ARMC1: variants seen among roughly 807,000 people sequenced by gnomAD.
ARMC1 encodes the protein armadillo repeat-containing protein 1.
Under a neutral mutation model 31.4 loss-of-function variants are expected in ARMC1, and 16 were observed. The ratio of observed to expected loss-of-function variants is 0.51; its 90% CI spans 0.34 to 0.77. The LOEUF (loss-of-function observed/expected upper bound fraction) is 0.77. Among genes scored for constraint, ARMC1 ranks in the 30% least tolerant of loss-of-function variants. The pLI, the probability that ARMC1 is intolerant of heterozygous loss-of-function variation, is 0.01. For synonymous variants in ARMC1, 114 were observed against 118.9 expected, an observed-to-expected ratio of 0.96 and a Z score of 0.27; for missense variants, 259 against 347.5, an observed-to-expected ratio of 0.75 and a Z score of 2.02.
At chr8:65,617,240 A>G (rs2129042475) in intron 3 of ARMC1, among the ~76,000 whole-genome samples, 1 of 152,362 alleles carries the variant, frequency 6.6e-6, no homozygotes, top group Non-Finnish European at 1.5e-5. Flanking sequence ...TGTAGAAAGA[A>G]GTAGACATAG....
rs549695685 is a variant in ARMC1, at chr8:65,615,428, G to A, written c.276-1995C>T. 2.0e-5 allele frequency among the ~76,000 whole-genome samples: 3 copies of A among 150,908 alleles called. 1 individual carries two copies. The highest frequency in any genetic ancestry group is 4.2e-4 in the South Asian group (2 of 4,804). ...AAAAAAAAAAAAAAAAACAGGGCCG[G>A]GTACAGTGGCTCATGCCTGTAATTC... is the stretch of plus-strand genomic sequence containing the variant. On this transcript the variant is annotated intron_variant, in intron 3 of 6. Coordinates refer to ENST00000276569, the MANE Select transcript of ARMC1 (RefSeq NM_018120.6).
chr8:65,627,414 C>T lies in ARMC1; in HGVS notation c.-16G>A, dbSNP rs1808536336. The T allele has an allele frequency of 1.3e-6, 2 of 1,536,360 alleles. No homozygotes were observed. Among genetic ancestry groups the T allele is most frequent in the African/African-American group, 1.4e-5 (1 of 72,226 alleles). On this transcript the variant is annotated 5_prime_UTR_variant, in exon 2 of 7. The change creates a new upstream start codon in the 5' untranslated region. Transcript: ENST00000276569. ...AAGAATTCATCTTCTATGCCATGCA[C>T]ATGAATAAAATCTTAAATTCTGTAG...
chr8:65,629,735 G>C (rs1405014488), intron 1 of ARMC1, among the ~76,000 whole-genome samples: 4 of 147,974 alleles, frequency 2.7e-5, no homozygotes, highest in Non-Finnish European at 4.4e-5. Context: ...GGAGATGGAG[G>C]TTACAGTGAG....
chr8:65,608,777 T>C (rs1300324079), intron 4 of ARMC1, among the ~76,000 whole-genome samples: 1 of 151,830 alleles, frequency 6.6e-6, no homozygotes, highest in Non-Finnish European at 1.5e-5. Flanking sequence ...GGCATGGTGG[T>C]GGGCATCTTT....
chr8:65,607,478 G>A (rs940800929), intron 4 of ARMC1, among the ~76,000 whole-genome samples: 11 of 152,186 alleles, frequency 7.2e-5, no homozygotes, highest in South Asian at 2.1e-4. Flanking sequence ...AGTGAGAAAC[G>A]AGATTCATAA....
chr8:65,622,454 G>A lies in ARMC1; in HGVS notation c.184-100C>T, dbSNP rs185463882. ...AAGAAAACAAAAAAGGAGAAAATAGGTTTTTGTTTTTAGAATAAAATCCTT... is the reference window on the plus strand; with the variant it reads ...AAGAAAACAAAAAAGGAGAAAATAGATTTTTGTTTTTAGAATAAAATCCTT... On this transcript the variant is annotated intron_variant, in intron 2 of 6. Transcript: ENST00000276569. 617 of 885,424 alleles carry A rather than the reference G, an allele frequency of 7.0e-4. 3 individuals are homozygous for A. The African/African-American group carries it at 9.7e-3, about 14-fold the overall frequency. 54.8% of individuals were successfully genotyped at this position (885,424 alleles called of 1,614,324 possible). A position where few individuals can be genotyped will look rare whatever the true frequency, so the allele number is the denominator to read the frequency against.
At chr8:65,616,246 C>A (rs918585895) in intron 3 of ARMC1, among the ~76,000 whole-genome samples, 2 of 152,216 alleles carry the variant, frequency 1.3e-5, no homozygotes, top group Non-Finnish European at 1.5e-5. Flanking sequence ...GATTCTCCTG[C>A]CTCAGCCTGC....
chr8:65,608,343 A>G (rs1310376177), intron 4 of ARMC1, among the ~76,000 whole-genome samples: 1 of 152,200 alleles, frequency 6.6e-6, no homozygotes, highest in Non-Finnish European at 1.5e-5. Context: ...CCTGGCCAAC[A>G]TGGCAAAACC....
rs1001353746 is a variant in ARMC1 at position 65,625,186 on chromosome 8, C to T, written c.183+2030G>A. 4.7e-4 allele frequency among the ~76,000 whole-genome samples: 71 copies of T among 152,182 alleles called. 3 individuals carry two copies. Among genetic ancestry groups the T allele is most frequent in the Admixed American group, 6.5e-5 (1 of 15,270 alleles). On this transcript the variant is annotated intron_variant, in intron 2 of 6. Coordinates refer to ENST00000276569, the MANE Select transcript of ARMC1 (RefSeq NM_018120.6). ...GGAACTTTCACTCACTGATCCCTCT[C>T]CTTAGCTCTGTCCCTCCATGACTTT...
At position 65,617,927 on chromosome 8, in the gene ARMC1, G is replaced by C. The variant is rs557931382; in HGVS notation, c.275+4336C>G. 6.0e-5 allele frequency among the ~76,000 whole-genome samples: 9 copies of C among 150,884 alleles called. No individual in the cohort carries two copies. The East Asian group carries it at 1.6e-3, about 27-fold the overall frequency. ...ATTAATCCTTTTTTCGGCGGGGGGG[G>C]AGGGAGCAGACAGAGTCTCACTCTG... On this transcript the variant is annotated intron_variant, in intron 3 of 6. Transcript: ENST00000276569.
At position 65,603,761 on chromosome 8, in the gene ARMC1, T is replaced by A. The variant is rs1411368053; in HGVS notation, c.*633A>T. 6.6e-6 allele frequency: 1 copy of A among 152,418 alleles called. No homozygotes were observed. The highest frequency in any genetic ancestry group is 2.4e-5 in the African/African-American group (1 of 41,464). 9.4% of individuals were successfully genotyped at this position (152,418 alleles called of 1,614,324 possible). A position where few individuals can be genotyped will look rare whatever the true frequency, so the allele number is the denominator to read the frequency against. ...TTTTGTGTTAATTTTATCAAAATTATAATGAATAAGGCTGCAAAATTTTTG... is the reference window on the plus strand; with the variant it reads ...TTTTGTGTTAATTTTATCAAAATTAAAATGAATAAGGCTGCAAAATTTTTG... On this transcript the variant is annotated 3_prime_UTR_variant, in exon 7 of 7. Transcript: ENST00000276569.
chr8:65,619,599 C>A (rs1808348979), intron 3 of ARMC1, among the ~76,000 whole-genome samples: 1 of 151,776 alleles, frequency 6.6e-6, no homozygotes, highest in Admixed American at 6.6e-5. Context: ...GTAATCCCAG[C>A]ATGTTGGGAG....
chr8:65,617,246 C>T (rs371437357), intron 3 of ARMC1, among the ~76,000 whole-genome samples: 1 of 152,232 alleles, frequency 6.6e-6, no homozygotes, highest in African/African-American at 2.4e-5. Flanking sequence ...AAGAAGTAGA[C>T]ATAGGAGACT....
chr8:65,604,368 C>T lies in ARMC1; in HGVS notation c.*26G>A. The T allele has an allele frequency of 6.2e-7, 1 of 1,601,944 alleles. No individual in the cohort carries two copies. ...GGAAAACTGGCCCCTTGTTGGTTCA[C>T]ACAGTCCTTGAGCCCAAAAGTGAAG... On this transcript the variant is annotated 3_prime_UTR_variant, in exon 7 of 7. Coordinates refer to ENST00000276569, the MANE Select transcript of ARMC1 (RefSeq NM_018120.6).
chr8:65,606,578 C>T (rs970446698), intron 4 of ARMC1, among the ~76,000 whole-genome samples: 1 of 152,082 alleles, frequency 6.6e-6, no homozygotes, highest in African/African-American at 2.4e-5. Context: ...TAGACATACC[C>T]TCTGTGTGGT....
At position 65,613,245 on chromosome 8, in the gene ARMC1, G is replaced by A. The variant is rs200543696; in HGVS notation, c.464C>T (p.Thr155Met). The part of the protein sequence containing the change: ...VVLHIDGLDD[T>M]SRRNLCEEAL... ...TCTTTCCCATCTAACAGACCTTACC[G>A]TATCATCAAGGCCATCTATATGCAA... The change falls in exon 4 of 7, where the codon ACG becomes ATG. Residue 155 changes from threonine (T) to methionine (M), a missense_variant and splice_region_variant. Around this residue, in one of 3 missense-constraint regions of ARMC1, gnomAD observed 23 missense variants for 60.8 expected, o/e 0.38. Transcript: ENST00000276569. The A allele has an allele frequency of 9.7e-5, 155 of 1,595,284 alleles. No homozygotes were observed. The highest frequency in any genetic ancestry group is 1.0e-4 in the Non-Finnish European group (122 of 1,172,752).
intron 2 of ARMC1, among the ~76,000 whole-genome samples, chr8:65,625,582 C>T (rs1350122003): frequency 6.6e-6 from 1 of 152,126 alleles, no homozygotes; most frequent in Non-Finnish European, 1.5e-5. Flanking sequence ...TTCCTTTAGC[C>T]CCAAGTCCCT....
chr8:65,633,896 G>A (rs900967059), intron 1 of ARMC1, 102 bp downstream of exon 1: 3 of 152,278 alleles, frequency 2.0e-5, no homozygotes, highest in African/African-American at 4.8e-5. Context: ...AGAGGCAGGC[G>A]GGGCGCCCCT....
At chr8:65,625,155 C>T (rs1398774085) in intron 2 of ARMC1, among the ~76,000 whole-genome samples, 1 of 152,056 alleles carries the variant, frequency 6.6e-6, no homozygotes, top group Non-Finnish European at 1.5e-5. Flanking sequence ...TTTCTTCAGC[C>T]TCTTGGGAAC....
Sources: gnomAD v4.1 joint callset for allele counts (sites outside exome capture counted in the v4.1 genomes callset) on GRCh38, gnomAD v4.1.1 for gene constraint, gnomAD v4.1.1 regional missense constraint, MANE v1.5 for transcripts, NCBI Gene and HGNC (gene_info 2026-07-23, HGNC 2026-07-21) for gene names.